Variants in SCN4A observed in about 807,000 individuals in gnomAD.
SCN4A encodes sodium voltage-gated channel alpha subunit 4, also known as sodium channel protein type 4 subunit alpha.
In SCN4A, 83 loss-of-function variants were observed where a neutral mutation model predicts 162.0. That is an observed-to-expected ratio of 0.51 (90% CI 0.43 to 0.61). The LOEUF (loss-of-function observed/expected upper bound fraction) is 0.61. SCN4A is among the 20% of genes least tolerant of loss of function. The pLI is 0.00. For missense variants in SCN4A, 2,196 were observed against 2,462.5 expected, an observed-to-expected ratio of 0.89 and a Z score of 2.29; for synonymous variants, 944 against 985.1, an observed-to-expected ratio of 0.96 and a Z score of 0.78.
Position 63,950,150 on chromosome 17 carries a change from G to C in SCN4A, c.2854-622C>G, listed in dbSNP as rs926528144. On this transcript the variant is annotated intron_variant, in intron 14 of 23. Transcript: ENST00000435607. The surrounding 1 kb of genome is among the most constrained non-coding windows in gnomAD (Gnocchi z 4.6). ...TCCTGCTGGGCCAGGCCAGCTTCCC[G>C]GCCCCAGACTCCACCCGGCAGGGGA... Among the ~76,000 whole-genome samples, 2 of 152,146 alleles carry C rather than the reference G, an allele frequency of 1.3e-5. No individual in the cohort carries two copies. The highest frequency in any genetic ancestry group is 1.9e-4 in the East Asian group (1 of 5,184).
chr17:63,948,189 G>T, intron 16 of SCN4A, 126 bp from the exon 17 acceptor site: 5 of 684,098 alleles, frequency 7.3e-6, no homozygotes, highest in Non-Finnish European at 1.2e-5. Context: ...CAAGGGACAG[G>T]CTGTCCGCAT....
rs180715668 is a variant in SCN4A, at chr17:63,954,906, C to T, written c.2376+2256G>A. On this transcript the variant is annotated intron_variant, in intron 13 of 23. Coordinates refer to ENST00000435607, the MANE Select transcript of SCN4A (RefSeq NM_000334.4). ...AGACTCTGCAGCCAGATTGCAGGGG[C>T]TCCCGTCCCACACACGGGACAGACT... is the stretch of plus-strand genomic sequence containing the variant. 2.6e-4 allele frequency among the ~76,000 whole-genome samples: 39 copies of T among 152,286 alleles called. No homozygotes were observed. The East Asian group carries it at 7.5e-3, about 29-fold the overall frequency.
Position 63,945,646 on chromosome 17 carries a change from C to G in SCN4A, c.3442-8G>C. The G allele has an allele frequency of 6.2e-7, 1 of 1,613,596 alleles. No homozygotes were observed. The highest frequency in any genetic ancestry group is 2.2e-5 in the East Asian group (1 of 44,874). On this transcript the variant is annotated splice_polypyrimidine_tract_variant and splice_region_variant and intron_variant, in intron 18 of 23. Transcript: ENST00000435607. This position sits in a 1 kb window ranked among gnomAD's most constrained non-coding sequence, Gnocchi z 4.4. ...GAGGGCGTTCACCACCACCTGGGGG[C>G]CAGGGGGTCCATTGCCAGTGCCTCT...
chr17:63,941,059 G>A lies in SCN4A; in HGVS notation c.5223C>T (p.His1741=), dbSNP rs1598404776. The A allele has an allele frequency of 6.2e-6, 10 of 1,614,000 alleles. No homozygotes were observed. The highest frequency in any genetic ancestry group is 1.6e-4 in the Middle Eastern group (1 of 6,062). ...AIKIQRAYRR[H]LLQRSMKQAS... is the part of the protein sequence containing the mutation. The stretch of plus-strand genomic sequence containing the variant: ...CCTGCTTCATGGAGCGCTGTAGCAG[G>A]TGCCGGCGGTAGGCCCTCTGGATCT... The change falls in exon 24 of 24, where the codon CAC becomes CAT. Residue 1741 remains histidine (H), a synonymous_variant. Transcript: ENST00000435607. The surrounding 1 kb of genome is among the most constrained non-coding windows in gnomAD (Gnocchi z 6.2).
At chr17:63,965,518 T>G (rs773425080) in intron 8 of SCN4A, among the ~76,000 whole-genome samples, 3 of 152,106 alleles carry the variant, frequency 2.0e-5, no homozygotes, top group Non-Finnish European at 4.4e-5. Flanking sequence ...AGACGGAGTC[T>G]CGCTCTGTCG....
chr17:63,956,284 C>A (rs577074252), intron 13 of SCN4A, among the ~76,000 whole-genome samples: 15 of 152,362 alleles, frequency 9.8e-5, no homozygotes, highest in African/African-American at 3.1e-4. Flanking sequence ...TCTGCCCCCC[C>A]ATGCTGGAGT....
chr17:63,945,094 G>A lies in SCN4A; in HGVS notation c.3721-34C>T. 3.8e-6 allele frequency: 6 copies of A among 1,598,136 alleles called. No homozygotes were observed. Among genetic ancestry groups the A allele is most frequent in the Non-Finnish European group, 5.1e-6 (6 of 1,166,898 alleles). On this transcript the variant is annotated intron_variant, in intron 19 of 23. Transcript: ENST00000435607. The surrounding 1 kb of genome is among the most constrained non-coding windows in gnomAD (Gnocchi z 4.4). ...GTGTGGTTGGGGAGTGAGCCGGGGG[G>A]CTGCTCCCTGCTTTCATCATCCATG... is the stretch of plus-strand genomic sequence containing the variant.
intron 18 of SCN4A, among the ~76,000 whole-genome samples, chr17:63,946,464 C>G (rs1295159669): frequency 9.1e-6 from 1 of 109,742 alleles, no homozygotes; most frequent in South Asian, 3.1e-4. Context: ...TTTTTCTTGC[C>G]CCCCCCCCCA....
In SCN4A at chr17:63,963,665, C is replaced by T; in HGVS notation, c.1606+7G>A. The T allele has an allele frequency of 6.4e-7, 1 of 1,564,338 alleles. No individual in the cohort carries two copies. The highest frequency in any genetic ancestry group is 8.7e-7 in the Non-Finnish European group (1 of 1,155,476). ...CCTAAGTGGGCACGGGGGCACAAGG[C>T]ACTCACCTTCCATGGCGTCGGAGAT... On this transcript the variant is annotated splice_region_variant and intron_variant, in intron 10 of 23. Coordinates refer to ENST00000435607, the MANE Select transcript of SCN4A (RefSeq NM_000334.4).
At position 63,968,130 on chromosome 17, in the gene SCN4A, T is replaced by A; in HGVS notation, c.929A>T (p.Glu310Val). 6.2e-7 allele frequency: 1 copy of A among 1,613,832 alleles called. No homozygotes were observed. Among genetic ancestry groups the A allele is most frequent in the South Asian group, 1.1e-5 (1 of 91,076 alleles). ...CCATGAGTCATTGCCGTACCACATCTCATTGCCATACCATGTGTCATTGCC... is the reference window on the plus strand; with the variant it reads ...CCATGAGTCATTGCCGTACCACATCACATTGCCATACCATGTGTCATTGCC... ...WYGNDTWYGN[E>V]MWYGNDSWYA... is the part of the protein sequence containing the mutation. The change falls in exon 6 of 24, where the codon GAG (glutamate) becomes GTG (valine). Residue 310 changes from glutamate (E) to valine (V), a missense_variant. Coordinates refer to ENST00000435607, the MANE Select transcript of SCN4A (RefSeq NM_000334.4).
Position 63,971,774 on chromosome 17 carries a change from T to C in SCN4A, c.559A>G (p.Thr187Ala), listed in dbSNP as rs1909616438. The C allele has an allele frequency of 1.2e-6, 2 of 1,612,384 alleles. No individual in the cohort carries two copies. The highest frequency in any genetic ancestry group is 1.7e-6 in the Non-Finnish European group (2 of 1,179,262). ...CAGTTCCAGGGGTCCCGGAGGAATG[T>C]GAAGTCGTCGACACAGAAGCCTCGG... is the stretch of plus-strand genomic sequence containing the variant. ...LARGFCVDDF[T>A]FLRDPWNWLD... is the part of the protein sequence containing the mutation. The change falls in exon 4 of 24, where the codon ACA becomes GCA. Residue 187 changes from threonine (T) to alanine (A), a missense_variant. Coordinates refer to ENST00000435607, the MANE Select transcript of SCN4A (RefSeq NM_000334.4).
intron 17 of SCN4A, among the ~76,000 whole-genome samples, chr17:63,947,639 G>A (rs977581111): frequency 3.3e-5 from 5 of 152,170 alleles, no homozygotes; most frequent in Non-Finnish European, 7.4e-5. Context: ...ACTCCTATTG[G>A]CAGGGATGGT....
In SCN4A at chr17:63,972,049, A is replaced by G. The variant is rs1909626792; in HGVS notation, c.482+87T>C. 8.6e-7 allele frequency: 1 copy of G among 1,158,500 alleles called. No individual in the cohort carries two copies. Among genetic ancestry groups the G allele is most frequent in the Non-Finnish European group, 1.3e-6 (1 of 787,622 alleles). 71.8% of individuals were successfully genotyped at this position (1,158,500 alleles called of 1,614,324 possible). ...CACAATGACAGTGTGTCTCCCTGAA[A>G]GACAAGAGCAGCACCACACAGAGGT... is the stretch of plus-strand genomic sequence containing the variant. On this transcript the variant is annotated intron_variant, in intron 3 of 23. Coordinates refer to ENST00000435607, the MANE Select transcript of SCN4A (RefSeq NM_000334.4). This position sits in a 1 kb window ranked among gnomAD's most constrained non-coding sequence, Gnocchi z 4.3.
Position 63,959,334 on chromosome 17 carries a change from G to A in SCN4A, c.1950C>T (p.Val650=), listed in dbSNP as rs758577754. 16 of 1,613,886 alleles carry A rather than the reference G, an allele frequency of 9.9e-6. No individual in the cohort carries two copies. The highest frequency in any genetic ancestry group is 1.4e-5 in the Non-Finnish European group (16 of 1,179,896). ...QGWNIFDSII[V]TLSLVELGLA... Reference sequence around the variant, plus strand: ...GGCCTAGCTCTACCAGGCTGAGGGTGACGATGATGCTGTCGAAGATATTCC... The same window carrying A: ...GGCCTAGCTCTACCAGGCTGAGGGTAACGATGATGCTGTCGAAGATATTCC... Residue 650 remains valine, a synonymous_variant, in exon 12 of 24, where the codon GTC becomes GTT. Transcript: ENST00000435607.
chr17:63,955,245 G>C (rs964030913), intron 13 of SCN4A, among the ~76,000 whole-genome samples: 2 of 152,168 alleles, frequency 1.3e-5, no homozygotes, highest in African/African-American at 4.8e-5. Context: ...GTCTCATGGG[G>C]TGGCTGAGAG....
rs1908485753 is a variant in SCN4A at position 63,940,589 on chromosome 17, G to A, written c.*182C>T. On this transcript the variant is annotated 3_prime_UTR_variant, in exon 24 of 24. Transcript: ENST00000435607. ...CCTGAGCGCAATTCCCATTTCCCAT[G>A]GTCTGGGAACGCAGGCGCTCGGGCC... 1 of 618,826 alleles carries A rather than the reference G, an allele frequency of 1.6e-6. No individual in the cohort carries two copies. Among genetic ancestry groups the A allele is most frequent in the Non-Finnish European group, 2.6e-6 (1 of 384,740 alleles). The allele number at this position is 618,826 out of a possible 1,614,324, so 38.3% of individuals were successfully genotyped here.
intron 12 of SCN4A, among the ~76,000 whole-genome samples, chr17:63,958,284 G>GA (rs1909135233): frequency 6.6e-6 from 1 of 151,868 alleles, no homozygotes; most frequent in Non-Finnish European, 1.5e-5. Context: ...TGAGTCTGGG[G>GA]AGGTCAAGGC....
In SCN4A at chr17:63,968,007, C is replaced by A. The variant is rs777233905; in HGVS notation, c.1036+16G>T. ...GGGACAGGATCCCCCTTGCCCGTCACCCTCCCCATTCTTACCTTCATCACT... is the reference window on the plus strand; with the variant it reads ...GGGACAGGATCCCCCTTGCCCGTCAACCTCCCCATTCTTACCTTCATCACT... On this transcript the variant is annotated intron_variant, in intron 6 of 23. Transcript: ENST00000435607. 5.6e-6 allele frequency: 9 copies of A among 1,608,076 alleles called. No homozygotes were observed. The highest frequency in any genetic ancestry group is 7.7e-6 in the Non-Finnish European group (9 of 1,174,996).
intron 16 of SCN4A, 106 bp from the exon 17 acceptor site, chr17:63,948,169 G>A: frequency 2.3e-6 from 2 of 871,680 alleles, no homozygotes; most frequent in Non-Finnish European, 3.4e-6. Flanking sequence ...TCTGCCGTGG[G>A]GGCCCAGCCC....
Sources: gnomAD v4.1 joint callset for allele counts (sites outside exome capture counted in the v4.1 genomes callset) on GRCh38, gnomAD v4.1.1 for gene constraint, Gnocchi (gnomAD v3.1) non-coding constraint, MANE v1.5 for transcripts, NCBI Gene and HGNC (gene_info 2026-07-23, HGNC 2026-07-21) for gene names.